SYCP1: variants seen among roughly 807,000 people sequenced by gnomAD.
The protein encoded by SYCP1 is synaptonemal complex protein 1.
In SYCP1, 64 loss-of-function variants were observed where a neutral mutation model predicts 153.1. That is an observed-to-expected ratio of 0.42 (90% confidence interval 0.34 to 0.51). The LOEUF is 0.51. SYCP1 is among the 20% of genes least tolerant of loss of function. The pLI is 0.06. For synonymous variants in SYCP1, 384 were observed against 341.8 expected, an observed-to-expected ratio of 1.12 and a Z score of -1.36; for missense variants, 997 against 1,049.0, an observed-to-expected ratio of 0.95 and a Z score of 0.68.
At chr1:114,971,854 C>T (rs892805210) in intron 27 of SYCP1, among the ~76,000 whole-genome samples, 2 of 151,964 alleles carry the variant, frequency 1.3e-5, no homozygotes, top group Admixed American at 6.6e-5. Context: ...AATGTTCATC[C>T]GGGATATGGG....
chr1:114,991,035 C>T (rs564470826), intron 30 of SYCP1, among the ~76,000 whole-genome samples: 1 of 152,012 alleles, frequency 6.6e-6, no homozygotes, highest in South Asian at 2.1e-4. Context: ...TTAGTAATCA[C>T]CTCACGGCTT....
chr1:114,887,311 C>T (rs1215820711), intron 14 of SYCP1, among the ~76,000 whole-genome samples: 1 of 151,982 alleles, frequency 6.6e-6, no homozygotes, highest in Non-Finnish European at 1.5e-5. Context: ...TAGTTACATA[C>T]TCAATTTCTT....
chr1:114,971,324 T>C (rs1450556327), intron 27 of SYCP1, among the ~76,000 whole-genome samples: 3 of 152,064 alleles, frequency 2.0e-5, no homozygotes, highest in Admixed American at 6.6e-5. Context: ...CCAATGGAGT[T>C]ATGTTCCAAG....
chr1:114,896,801 G>C (rs1471789706), intron 16 of SYCP1, among the ~76,000 whole-genome samples: 1 of 152,184 alleles, frequency 6.6e-6, no homozygotes, highest in African/African-American at 2.4e-5. Flanking sequence ...TTTTGTTATT[G>C]TTGTAGGAAA....
At chr1:114,954,547 T>TTTA (rs1671313381) in intron 27 of SYCP1, among the ~76,000 whole-genome samples, 1 of 148,334 alleles carries the variant, frequency 6.7e-6, no homozygotes, top group Non-Finnish European at 1.5e-5. Flanking sequence ...TCAGTATGCT[T>TTTA]TTTATTTATT....
At chr1:114,981,243 T>C in intron 28 of SYCP1, 93 bp from the exon 29 acceptor site, 1 of 994,548 alleles carries the variant, frequency 1.0e-6, no homozygotes, top group South Asian at 1.8e-5. Context: ...TATTTTGTTG[T>C]GAATTCTACT....
intron 23 of SYCP1, 46 bp downstream of exon 23, chr1:114,926,609 T>G: frequency 6.9e-7 from 1 of 1,452,206 alleles, no homozygotes; most frequent in South Asian, 1.3e-5. Context: ...AATAGATAGA[T>G]GAGAATTTAG....
intron 23 of SYCP1, among the ~76,000 whole-genome samples, chr1:114,934,526 A>T (rs1420872222): frequency 6.6e-6 from 1 of 152,212 alleles, no homozygotes; most frequent in Non-Finnish European, 1.5e-5. Flanking sequence ...ACCAGCTAAC[A>T]TCATAATGAC....
At chr1:114,934,665 A>G (rs928241812) in intron 23 of SYCP1, among the ~76,000 whole-genome samples, 4 of 152,192 alleles carry the variant, frequency 2.6e-5, no homozygotes, top group Non-Finnish European at 4.4e-5. Flanking sequence ...CAGGAGACCC[A>G]TCTCATGTGC....
intron 27 of SYCP1, among the ~76,000 whole-genome samples, chr1:114,956,744 C>T (rs1284438034): frequency 1.3e-5 from 2 of 148,318 alleles, no homozygotes; most frequent in African/African-American, 5.0e-5. Flanking sequence ...CCTTGCAAGA[C>T]TCATGGCAAG....
At chr1:114,862,980 C>A (rs906173950) in intron 8 of SYCP1, 1 of 152,080 alleles carries the variant, frequency 6.6e-6, no homozygotes, top group Non-Finnish European at 1.5e-5. Context: ...TCTACTCTTA[C>A]AAGAGTGTAT....
chr1:114,982,315 A>G (rs950077313), intron 29 of SYCP1, among the ~76,000 whole-genome samples: 4 of 151,950 alleles, frequency 2.6e-5, no homozygotes, highest in African/African-American at 9.7e-5. Flanking sequence ...AATTGTCTCC[A>G]TCCCACTAAG....
intron 9 of SYCP1, 126 bp downstream of exon 9, chr1:114,874,690 T>C (rs997217967): frequency 8.9e-6 from 5 of 563,274 alleles, no homozygotes; most frequent in Non-Finnish European, 1.2e-5. Flanking sequence ...GATATATTAT[T>C]GTATCACTAA....
chr1:114,876,661 C>G, intron 10 of SYCP1, 76 bp from the exon 11 acceptor site: 1 of 774,016 alleles, frequency 1.3e-6, no homozygotes, highest in Non-Finnish European at 1.8e-6. Context: ...GTGAAATAAA[C>G]TTTAAATTTT....
At chr1:114,929,312 T>G (rs1449801896) in intron 23 of SYCP1, among the ~76,000 whole-genome samples, 3 of 151,970 alleles carry the variant, frequency 2.0e-5, no homozygotes, top group Non-Finnish European at 4.4e-5. Flanking sequence ...CAGATATGAA[T>G]AGAAGACAAA....
rs778299886 is a variant in SYCP1, at chr1:114,911,505, G to A, written c.1452G>A (p.Gln484=). 7 of 1,556,988 alleles carry A rather than the reference G, an allele frequency of 4.5e-6. No individual in the cohort carries two copies. In the Admixed American group the frequency reaches 1.4e-4, roughly 31 times the overall value. The change falls in exon 18 of 32, where the codon CAG becomes CAA. Residue 484 remains glutamine, a synonymous_variant. Transcript: ENST00000369522. ...AAGAAGTACATGATTTGGAAATACAGTTAACTGCCATTACCACAAGTGAAC... is the reference window on the plus strand; with the variant it reads ...AAGAAGTACATGATTTGGAAATACAATTAACTGCCATTACCACAAGTGAAC... ...REKEVHDLEI[Q]LTAITTSEQY... is the part of the protein sequence containing the mutation.
At chr1:114,934,892 C>A (rs1182880083) in intron 23 of SYCP1, among the ~76,000 whole-genome samples, 1 of 152,156 alleles carries the variant, frequency 6.6e-6, no homozygotes, top group Non-Finnish European at 1.5e-5. Context: ...TACAGGAGCA[C>A]CCAGATTCAT....
intron 27 of SYCP1, among the ~76,000 whole-genome samples, chr1:114,955,602 G>T (rs1244720525): frequency 6.6e-6 from 1 of 152,082 alleles, no homozygotes; most frequent in Non-Finnish European, 1.5e-5. Context: ...CTGTTTCAGG[G>T]TCACCATTAA....
At chr1:114,975,483 T>C (rs2101927888) in intron 27 of SYCP1, among the ~76,000 whole-genome samples, 1 of 151,856 alleles carries the variant, frequency 6.6e-6, no homozygotes, top group East Asian at 1.9e-4. Flanking sequence ...TATACAATTT[T>C]AGTATTTATT....
Sources: gnomAD v4.1 joint callset for allele counts (sites outside exome capture counted in the v4.1 genomes callset) on GRCh38, gnomAD v4.1.1 for gene constraint, MANE v1.5 for transcripts, NCBI Gene and HGNC (gene_info 2026-07-23, HGNC 2026-07-21) for gene names.